Variants in OTUD7A observed in about 807,000 individuals in gnomAD.
OTUD7A encodes the protein OTU deubiquitinase 7A.
Under a neutral mutation model 65.7 loss-of-function variants are expected in OTUD7A, and 12 were observed. The ratio of observed to expected loss-of-function variants is 0.18; its 90% CI spans 0.12 to 0.30. The LOEUF (loss-of-function observed/expected upper bound fraction) is 0.30. Among genes scored for constraint, OTUD7A ranks in the 10% least tolerant of loss-of-function variants. The pLI, the probability that OTUD7A is intolerant of heterozygous loss-of-function variation, is 1.00. For synonymous variants in OTUD7A, 641 were observed against 586.3 expected, an observed-to-expected ratio of 1.09 and a Z score of -1.35; for missense variants, 1,148 against 1,304.8, an observed-to-expected ratio of 0.88 and a Z score of 1.85.
At position 31,484,545 on chromosome 15, in the gene OTUD7A, G is replaced by A. The variant is rs1566878312; in HGVS notation, c.1551C>T (p.Ala517=). ...KQRKEKDKTR[A]DSVANKLGSF... ...TGCCCAGCTTGTTGGCCACGGAGTC[G>A]GCGCGCGTCTTGTCCTTCTCCTTGC... Residue 517 remains alanine, a synonymous_variant, in exon 13 of 13, where the codon GCC becomes GCT. Transcript: ENST00000307050. This position sits in a 1 kb window ranked among gnomAD's most constrained non-coding sequence, Gnocchi z 4.5. The A allele has an allele frequency of 3.7e-6, 6 of 1,611,340 alleles. No homozygotes were observed. The highest frequency in any genetic ancestry group is 2.2e-5 in the South Asian group (2 of 91,060).
intron 6 of OTUD7A, among the ~76,000 whole-genome samples, chr15:31,529,302 T>C (rs934751115): frequency 3.5e-4 from 54 of 152,156 alleles, no homozygotes; most frequent in African/African-American, 1.1e-3. Flanking sequence ...TATGATAAAA[T>C]AAGACCCAAC....
chr15:31,553,299 A>C (rs1888385265), intron 5 of OTUD7A, among the ~76,000 whole-genome samples: 1 of 152,118 alleles, frequency 6.6e-6, no homozygotes. Flanking sequence ...GTAGGGCCCC[A>C]GCCTGAGTCT....
chr15:31,802,111 G>C (rs900462663), intron 1 of OTUD7A, among the ~76,000 whole-genome samples: 1 of 104,518 alleles, frequency 9.6e-6, no homozygotes, highest in Admixed American at 9.9e-5. Context: ...ATATGTGTGT[G>C]TGTGTGTGTG....
chr15:31,793,134 C>A (rs1895862933), intron 1 of OTUD7A, among the ~76,000 whole-genome samples: 1 of 152,158 alleles, frequency 6.6e-6, no homozygotes, highest in African/African-American at 2.4e-5. Flanking sequence ...CTTCCCAACC[C>A]CCCATGCACC....
At chr15:31,708,159 T>C (rs1893350374) in intron 1 of OTUD7A, among the ~76,000 whole-genome samples, 2 of 151,676 alleles carry the variant, frequency 1.3e-5, no homozygotes, top group Non-Finnish European at 2.9e-5. Context: ...CAAGCAAATG[T>C]GAGATGACAC....
chr15:31,753,984 A>G (rs535247645), intron 1 of OTUD7A, among the ~76,000 whole-genome samples: 1 of 151,880 alleles, frequency 6.6e-6, no homozygotes, highest in African/African-American at 2.4e-5. Context: ...TCCCACCAGC[A>G]GTGTAGAAGT....
chr15:31,768,193 A>T, intron 1 of OTUD7A: 1 of 1,222,944 alleles, frequency 8.2e-7, no homozygotes, highest in Non-Finnish European at 1.2e-6. Context: ...GCACAACCCG[A>T]CTCTCCACAG....
chr15:31,623,251 C>T (rs1332117639), intron 3 of OTUD7A, among the ~76,000 whole-genome samples: 1 of 152,222 alleles, frequency 6.6e-6, no homozygotes, highest in African/African-American at 2.4e-5. Flanking sequence ...GTTCTCAGAT[C>T]TCAAACTCCG....
At chr15:31,758,729 T>C (rs1478512770) in intron 1 of OTUD7A, among the ~76,000 whole-genome samples, 1 of 152,234 alleles carries the variant, frequency 6.6e-6, no homozygotes, top group Non-Finnish European at 1.5e-5. Flanking sequence ...TAATGGCTTC[T>C]TTGACATCTC....
At chr15:31,853,383 G>C (rs1477699659) in intron 1 of OTUD7A, among the ~76,000 whole-genome samples, 2 of 152,188 alleles carry the variant, frequency 1.3e-5, no homozygotes, top group Non-Finnish European at 2.9e-5. Context: ...GAGAAAACTA[G>C]AAAGAGAAAT....
intron 3 of OTUD7A, among the ~76,000 whole-genome samples, chr15:31,627,183 G>A (rs1393864294): frequency 6.6e-6 from 1 of 151,686 alleles, no homozygotes; most frequent in Non-Finnish European, 1.5e-5. Flanking sequence ...CTGGTGTGCT[G>A]CACCCATTAA....
intron 1 of OTUD7A, among the ~76,000 whole-genome samples, chr15:31,773,087 T>C (rs923970071): frequency 2.0e-5 from 3 of 152,256 alleles, no homozygotes; most frequent in African/African-American, 7.2e-5. Context: ...TATATATGAA[T>C]ATAAATTCTA....
intron 1 of OTUD7A, among the ~76,000 whole-genome samples, chr15:31,759,587 G>C (rs1894906372): frequency 6.6e-6 from 1 of 152,212 alleles, no homozygotes; most frequent in Non-Finnish European, 1.5e-5. Context: ...AGGATGGAGT[G>C]CAGTGGTGTG....
intron 1 of OTUD7A, among the ~76,000 whole-genome samples, chr15:31,781,936 G>T (rs1305632170): frequency 6.6e-6 from 1 of 152,212 alleles, no homozygotes; most frequent in Non-Finnish European, 1.5e-5. Context: ...TGGTGATACT[G>T]CCAAGTGGTT....
chr15:31,719,298 T>A (rs1893674109), intron 1 of OTUD7A, among the ~76,000 whole-genome samples: 1 of 151,730 alleles, frequency 6.6e-6, no homozygotes. Flanking sequence ...ACTCCCTTAT[T>A]TTCTCAAGAA....
chr15:31,496,137 T>C (rs1336889303), intron 10 of OTUD7A, among the ~76,000 whole-genome samples: 1 of 151,920 alleles, frequency 6.6e-6, no homozygotes, highest in East Asian at 1.9e-4. Flanking sequence ...CTTACCGTAA[T>C]GTCTTGTAAT....
rs564760939 is a variant in OTUD7A at position 31,846,728 on chromosome 15, A to G, written c.-100+23779T>C. ...AAGAAGAATATTTATAACACGGAAAAGGCTCAAGAAATGATGTCCGTGACA... is the reference window on the plus strand; with the variant it reads ...AAGAAGAATATTTATAACACGGAAAGGGCTCAAGAAATGATGTCCGTGACA... On this transcript the variant is annotated intron_variant, in intron 1 of 12. Coordinates refer to ENST00000307050, the MANE Select transcript of OTUD7A (RefSeq NM_001382637.1). Among the ~76,000 whole-genome samples the G allele has an allele frequency of 3.9e-5, 6 of 152,350 alleles. 1 individual carries two copies. The highest frequency in any genetic ancestry group is 1.4e-4 in the African/African-American group (6 of 41,580).
chr15:31,677,404 T>C (rs1166687960), intron 1 of OTUD7A, among the ~76,000 whole-genome samples: 1 of 152,152 alleles, frequency 6.6e-6, no homozygotes, highest in Non-Finnish European at 1.5e-5. Flanking sequence ...AAAGTGAAGG[T>C]CCATCCAATA....
chr15:31,765,891 A>G (rs1895082295), intron 1 of OTUD7A: 1 of 1,272,012 alleles, frequency 7.9e-7, no homozygotes, highest in African/African-American at 1.5e-5. Flanking sequence ...AAACTATTTT[A>G]GTTTTTTTCT....
Sources: allele counts gnomAD v4.1 joint callset (sites outside exome capture counted in the v4.1 genomes callset), GRCh38; gene constraint gnomAD v4.1.1; non-coding constraint Gnocchi (gnomAD v3.1); transcripts MANE v1.5; gene names NCBI Gene and HGNC (gene_info 2026-07-23, HGNC 2026-07-21).